The following ELP4 variants were observed in gnomAD, a reference collection of about 807,000 sequenced individuals.
The protein encoded by ELP4 is elongator acetyltransferase complex subunit 4, also known as elongator complex protein 4.
A neutral mutation model predicts 48.9 loss-of-function variants in ELP4; 51 were observed. That is an observed-to-expected ratio of 1.04 (90% confidence interval 0.83 to 1.32). The LOEUF is 1.32. Ranked by LOEUF, ELP4 falls within the 40% of genes most tolerant of loss-of-function variation. The pLI is 0.00. For synonymous variants in ELP4, 210 were observed against 189.2 expected (o/e 1.11, Z -0.90); for missense variants, 519 against 514.6 (o/e 1.01, Z -0.08).
chr11:31,620,629 G>A (rs1944600928), intron 5 of ELP4, among the ~76,000 whole-genome samples: 1 of 151,982 alleles, frequency 6.6e-6, no homozygotes, highest in South Asian at 2.1e-4. Context: ...CCAGAGTTGG[G>A]TAGATGACAG....
chr11:31,637,104 T>C (rs938528778), intron 7 of ELP4, among the ~76,000 whole-genome samples: 3 of 151,864 alleles, frequency 2.0e-5, no homozygotes, highest in African/African-American at 7.2e-5. Flanking sequence ...ACGGCTCCCC[T>C]ATATTCCAGC....
Position 31,783,624 on chromosome 11 carries a change from T to C in ELP4, c.*100T>C, listed in dbSNP as rs1461844850. The C allele has an allele frequency of 8.7e-7, 1 of 1,153,960 alleles. No homozygotes were observed. Among genetic ancestry groups the C allele is most frequent in the East Asian group, 2.6e-5 (1 of 38,250 alleles). 71.5% of individuals were successfully genotyped at this position (1,153,960 alleles called of 1,614,324 possible). ...TTTTCTTAACAATTTGACCCTCCAC[T>C]CCTTGAAAAACACAGGATTATAAAA... On this transcript the variant is annotated 3_prime_UTR_variant, in exon 10 of 10. Coordinates refer to ENST00000640961, the MANE Select transcript of ELP4 (RefSeq NM_019040.5).
intron 9 of ELP4, chr11:31,727,915 T>C (rs891713665): frequency 6.6e-6 from 1 of 152,160 alleles, no homozygotes; most frequent in African/African-American, 2.4e-5. Flanking sequence ...AGAAGATTTG[T>C]TGGCAGAGAT....
At chr11:31,546,173 A>G (rs1352958295) in intron 3 of ELP4, among the ~76,000 whole-genome samples, 3 of 152,140 alleles carry the variant, frequency 2.0e-5, no homozygotes, top group Admixed American at 2.0e-4. Context: ...TGCTCCAATT[A>G]AAAGACACAG....
At chr11:31,519,217 T>A (rs1251538762) in intron 1 of ELP4, among the ~76,000 whole-genome samples, 3 of 152,206 alleles carry the variant, frequency 2.0e-5, no homozygotes, top group Non-Finnish European at 4.4e-5. Context: ...CCTTTTAAAT[T>A]GTAAATATAT....
chr11:31,759,022 C>T (rs1377155640), intron 9 of ELP4, among the ~76,000 whole-genome samples: 3 of 152,160 alleles, frequency 2.0e-5, no homozygotes, highest in African/African-American at 4.8e-5. Flanking sequence ...GGTAGATATA[C>T]GTTTGTGACT....
chr11:31,769,119 AT>A (rs1948091354), intron 9 of ELP4, among the ~76,000 whole-genome samples: 1 of 152,164 alleles, frequency 6.6e-6, no homozygotes, highest in Non-Finnish European at 1.5e-5. Context: ...TTCTTTCTTC[AT>A]ACCGAGGAAC....
intron 5 of ELP4, among the ~76,000 whole-genome samples, chr11:31,608,266 G>C (rs964877602): frequency 9.2e-5 from 14 of 151,990 alleles, no homozygotes; most frequent in African/African-American, 2.7e-4. Flanking sequence ...ATGGGGGTTA[G>C]GGACCATGGG....
chr11:31,714,994 A>G (rs1446576495), intron 9 of ELP4: 17 of 393,922 alleles, frequency 4.3e-5, no homozygotes, highest in Non-Finnish European at 7.2e-5. Context: ...TGGTATGGAC[A>G]TTTTTTGAGG....
intron 9 of ELP4, among the ~76,000 whole-genome samples, chr11:31,709,535 G>A (rs74607357): frequency 2.6e-5 from 4 of 152,158 alleles, no homozygotes; most frequent in Non-Finnish European, 4.4e-5. Context: ...AGAGTTTATC[G>A]TGGTAATTAA....
intron 5 of ELP4, among the ~76,000 whole-genome samples, chr11:31,616,898 A>G (rs1277741556): frequency 2.6e-5 from 4 of 152,106 alleles, no homozygotes; most frequent in Non-Finnish European, 5.9e-5. Context: ...AAAATGAAAA[A>G]TAGGAAAGGA....
chr11:31,655,024 C>T (rs964444001), intron 9 of ELP4, among the ~76,000 whole-genome samples: 6 of 151,860 alleles, frequency 4.0e-5, no homozygotes, highest in Non-Finnish European at 7.4e-5. Context: ...AAAAGAAAAT[C>T]AAAGTTGAAC....
chr11:31,557,672 A>G (rs947417252), intron 3 of ELP4, among the ~76,000 whole-genome samples: 1 of 152,048 alleles, frequency 6.6e-6, no homozygotes. Context: ...GAATGAAGTT[A>G]AAGTAATAAC....
At chr11:31,517,544 G>A (rs1351524739) in intron 1 of ELP4, among the ~76,000 whole-genome samples, 1 of 151,988 alleles carries the variant, frequency 6.6e-6, no homozygotes, top group Non-Finnish European at 1.5e-5. Flanking sequence ...TTCTTTATTA[G>A]TGTTCTAAAT....
intron 9 of ELP4, among the ~76,000 whole-genome samples, chr11:31,717,492 A>T (rs1395975790): frequency 6.6e-6 from 1 of 152,190 alleles, no homozygotes; most frequent in Admixed American, 6.5e-5. Context: ...ACAATGGCTC[A>T]CGCCTGTAAT....
At position 31,509,779 on chromosome 11, in the gene ELP4, T is replaced by G. The variant is rs1473345438; in HGVS notation, c.-6T>G. The G allele has an allele frequency of 1.9e-6, 3 of 1,613,732 alleles. No individual in the cohort carries two copies. The highest frequency in any genetic ancestry group is 2.7e-5 in the African/African-American group (2 of 74,902). ...TTCCTATTGGGTTAACACTGGAGGC[T>G]CTAAGATGGCGGCAGTGGCAACCTG... On this transcript the variant is annotated 5_prime_UTR_variant, in exon 1 of 10. Transcript: ENST00000640961.
At chr11:31,559,400 G>C (rs1956979171) in intron 3 of ELP4, among the ~76,000 whole-genome samples, 1 of 152,180 alleles carries the variant, frequency 6.6e-6, no homozygotes, top group South Asian at 2.1e-4. Context: ...TCATCTTACA[G>C]TTTGGCTACA....
At chr11:31,605,462 G>T (rs2134004983) in intron 5 of ELP4, among the ~76,000 whole-genome samples, 1 of 152,136 alleles carries the variant, frequency 6.6e-6, no homozygotes, top group South Asian at 2.1e-4. Flanking sequence ...TCAAATAATA[G>T]TAAAGAGTGG....
chr11:31,622,544 C>CT (rs895351770), intron 5 of ELP4, among the ~76,000 whole-genome samples: 6 of 151,156 alleles, frequency 4.0e-5, no homozygotes, highest in African/African-American at 9.7e-5. Context: ...ACATCTGATT[C>CT]TTTTTTTTAC....
Sources: allele counts gnomAD v4.1 joint callset (sites outside exome capture counted in the v4.1 genomes callset), GRCh38; gene constraint gnomAD v4.1.1; transcripts MANE v1.5; gene names NCBI Gene and HGNC (gene_info 2026-07-23, HGNC 2026-07-21).